Variants in EIF4E3 observed in about 807,000 individuals in gnomAD.
EIF4E3 encodes the protein eukaryotic translation initiation factor 4E type 3.
Under a neutral mutation model 31.7 loss-of-function variants are expected in EIF4E3, and 26 were observed. The ratio of observed to expected loss-of-function variants is 0.82; its 90% CI spans 0.60 to 1.14. EIF4E3 has a LOEUF of 1.14. Among genes scored for constraint, EIF4E3 ranks in the 50% most tolerant of loss-of-function variants. The pLI, the probability that EIF4E3 is intolerant of heterozygous loss-of-function variation, is 0.00. For missense variants in EIF4E3, 304 were observed against 270.9 expected, an observed-to-expected ratio of 1.12 and a Z score of -0.86; for synonymous variants, 128 against 107.7, an observed-to-expected ratio of 1.19 and a Z score of -1.17.
intron 1 of EIF4E3, among the ~76,000 whole-genome samples, chr3:71,718,993 T>C (rs544769955): frequency 6.6e-6 from 1 of 152,308 alleles, no homozygotes; most frequent in Non-Finnish European, 1.5e-5. Flanking sequence ...CTAGTCCCAG[T>C]AGGCAACTCA....
At position 71,677,066 on chromosome 3, in the gene EIF4E3, C is replaced by A. The variant is rs1358341373; in HGVS notation, c.*7616G>T. On this transcript the variant is annotated 3_prime_UTR_variant, in exon 7 of 7. Coordinates refer to ENST00000425534, the MANE Select transcript of EIF4E3 (RefSeq NM_001134651.2). ...GAGGAGCACACACATTTAGCCCTGCCATCTGTACAAATGGTACCAGAGTTC... is the reference window on the plus strand; with the variant it reads ...GAGGAGCACACACATTTAGCCCTGCAATCTGTACAAATGGTACCAGAGTTC... The A allele has an allele frequency of 6.6e-6, 1 of 152,176 alleles. No individual in the cohort carries two copies. The highest frequency in any genetic ancestry group is 2.4e-5 in the African/African-American group (1 of 41,438). 9.4% of individuals were successfully genotyped at this position (152,176 alleles called of 1,614,324 possible). A position where few individuals can be genotyped will look rare whatever the true frequency, so the allele number is the denominator to read the frequency against.
At chr3:71,702,395 C>T (rs1450223804) in intron 2 of EIF4E3, among the ~76,000 whole-genome samples, 2 of 152,172 alleles carry the variant, frequency 1.3e-5, no homozygotes, top group Non-Finnish European at 2.9e-5. Context: ...ACCAAAGTTC[C>T]TGCCGTCATA....
intron 1 of EIF4E3, among the ~76,000 whole-genome samples, chr3:71,750,400 C>A (rs558325410): frequency 1.3e-5 from 2 of 152,256 alleles, no homozygotes; most frequent in Admixed American, 6.5e-5. Context: ...GACCTGGGTT[C>A]TCCCTCCCAC....
intron 5 of EIF4E3, among the ~76,000 whole-genome samples, 169 bp downstream of exon 5, chr3:71,693,706 C>T (rs1406294619): frequency 2.0e-5 from 3 of 152,056 alleles, no homozygotes; most frequent in Non-Finnish European, 1.5e-5. Flanking sequence ...ACATATCTAA[C>T]ACTGAACACG....
At chr3:71,730,814 C>A (rs1354704632) in intron 1 of EIF4E3, among the ~76,000 whole-genome samples, 1 of 152,056 alleles carries the variant, frequency 6.6e-6, no homozygotes, top group Non-Finnish European at 1.5e-5. Flanking sequence ...CATGCAGCCT[C>A]GGCCTCCCAG....
chr3:71,732,510 G>T (rs2049717100), intron 1 of EIF4E3, among the ~76,000 whole-genome samples: 1 of 152,192 alleles, frequency 6.6e-6, no homozygotes, highest in Admixed American at 6.5e-5. Context: ...CTGATTGGAG[G>T]AGTAATGATT....
intron 1 of EIF4E3, among the ~76,000 whole-genome samples, chr3:71,716,210 G>T (rs1401056080): frequency 6.6e-6 from 1 of 152,100 alleles, no homozygotes; most frequent in Non-Finnish European, 1.5e-5. Context: ...GATTCCGGAA[G>T]AAGTGAAGTG....
In EIF4E3 at chr3:71,725,157, C is replaced by A; in HGVS notation, c.176+35G>T. ...GCGGCGGTGGCGGCAGGACCCGGGT[C>A]GGGGCCGTGCGCGGCGGGCCCCGCG... is the stretch of plus-strand genomic sequence containing the variant. On this transcript the variant is annotated intron_variant, in intron 1 of 6. Transcript: ENST00000425534. This position sits in a 1 kb window ranked among gnomAD's most constrained non-coding sequence, Gnocchi z 6.1. 2 of 1,062,170 alleles carry A rather than the reference C, an allele frequency of 1.9e-6. No individual in the cohort carries two copies. The highest frequency in any genetic ancestry group is 7.3e-5 in the South Asian group (2 of 27,438). 65.8% of individuals were successfully genotyped at this position (1,062,170 alleles called of 1,614,324 possible). A position where few individuals can be genotyped will look rare whatever the true frequency, so the allele number is the denominator to read the frequency against.
chr3:71,670,470 C>T (rs1015079937), downstream of EIF4E3, among the ~76,000 whole-genome samples: 3 of 152,178 alleles, frequency 2.0e-5, no homozygotes, highest in Non-Finnish European at 2.9e-5. Flanking sequence ...AGCAGCCCAA[C>T]TTTCTTCCGT....
chr3:71,710,598 GACT>G, intron 1 of EIF4E3, 114 bp from the exon 2 acceptor site: 1 of 991,014 alleles, frequency 1.0e-6, no homozygotes, highest in African/African-American at 1.6e-5. Flanking sequence ...CAAACCACAG[GACT>G]GGACATTTTG....
chr3:71,671,831 G>A (rs2048848942), downstream of EIF4E3, among the ~76,000 whole-genome samples: 1 of 151,828 alleles, frequency 6.6e-6, no homozygotes, highest in Non-Finnish European at 1.5e-5. Context: ...AGCCTTTTTG[G>A]GAAGGACATG....
the EIF4E3 span, among the ~76,000 whole-genome samples, chr3:71,669,601 A>G: frequency 1.3e-5 from 2 of 152,242 alleles, no homozygotes; most frequent in African/African-American, 4.8e-5. Flanking sequence ...GTATGTTATA[A>G]TCACAAGTCA....
chr3:71,697,903 G>A (rs1473343564), intron 3 of EIF4E3, among the ~76,000 whole-genome samples: 2 of 152,090 alleles, frequency 1.3e-5, no homozygotes, highest in Non-Finnish European at 2.9e-5. Flanking sequence ...TCGACATACT[G>A]ATTTCCTTTC....
intron 1 of EIF4E3, among the ~76,000 whole-genome samples, chr3:71,714,273 A>AGAAGGAAGGAAG (rs1215872110): frequency 2.9e-3 from 362 of 125,366 alleles, no homozygotes; most frequent in Middle Eastern, 8.0e-3. Context: ...AAGGAAGGAA[A>AGAAGGAAGGAAG]GAAGGAAGGA....
At chr3:71,752,038 G>C (rs1446230444) in intron 1 of EIF4E3, among the ~76,000 whole-genome samples, 1 of 152,140 alleles carries the variant, frequency 6.6e-6, no homozygotes, top group African/African-American at 2.4e-5. Flanking sequence ...TCAGCCACTT[G>C]CTGCTGGCCA....
chr3:71,699,057 CCAAAAAT>C (rs1362883027), intron 3 of EIF4E3, among the ~76,000 whole-genome samples: 38 of 151,334 alleles, frequency 2.5e-4, no homozygotes, highest in African/African-American at 9.0e-4. Flanking sequence ...CCCATCTCTA[CCAAAAAT>C]AAAAAATAAA....
rs144346206 is a variant in EIF4E3 at position 71,721,628 on chromosome 3, G to T, written c.176+3564C>A. 5.8e-3 allele frequency among the ~76,000 whole-genome samples: 876 copies of T among 152,206 alleles called. 6 individuals carry two copies. Among genetic ancestry groups the T allele is most frequent in the Non-Finnish European group, 9.6e-3 (650 of 68,020 alleles). ...CATGAGATCTGATGATTTTATAAGT[G>T]TCTGGCATTTACCCTGCTTGCACTC... On this transcript the variant is annotated intron_variant, in intron 1 of 6. Transcript: ENST00000425534.
intron 1 of EIF4E3, among the ~76,000 whole-genome samples, chr3:71,715,160 C>CCAA (rs1448252277): frequency 1.3e-5 from 2 of 152,144 alleles, no homozygotes. Flanking sequence ...TGGGTAGAAG[C>CCAA]CAACGGTGCT....
the EIF4E3 span, among the ~76,000 whole-genome samples, chr3:71,662,999 A>G: frequency 1.3e-5 from 2 of 152,180 alleles, no homozygotes; most frequent in African/African-American, 2.4e-5. Flanking sequence ...GCTTACCTCC[A>G]GTGTTTACAG....
Sources: gnomAD v4.1 joint callset for allele counts (sites outside exome capture counted in the v4.1 genomes callset) on GRCh38, gnomAD v4.1.1 for gene constraint, Gnocchi (gnomAD v3.1) non-coding constraint, MANE v1.5 for transcripts, NCBI Gene and HGNC (gene_info 2026-07-23, HGNC 2026-07-21) for gene names.